Variants in EPHB1 observed in about 807,000 individuals in gnomAD.
EPHB1 encodes ephrin type-B receptor 1.
In EPHB1, 30 loss-of-function variants were observed where a neutral mutation model predicts 94.4. That is an observed-to-expected ratio of 0.32 (90% CI 0.24 to 0.43). The LOEUF (loss-of-function observed/expected upper bound fraction) is 0.43. EPHB1 is among the 20% of genes least tolerant of loss of function. EPHB1 has a pLI of 1.00. For missense variants in EPHB1, 1,055 were observed against 1,308.3 expected (o/e 0.81, Z 2.99); for synonymous variants, 522 against 489.1 (o/e 1.07, Z -0.89).
chr3:135,123,059 C>A (rs917371491), intron 4 of EPHB1, among the ~76,000 whole-genome samples: 1 of 152,162 alleles, frequency 6.6e-6, no homozygotes, highest in African/African-American at 2.4e-5. Flanking sequence ...TCCCCAGCCC[C>A]CAGAAAATGC....
At chr3:135,243,632 T>G (rs1406730064) in intron 13 of EPHB1, among the ~76,000 whole-genome samples, 1 of 152,088 alleles carries the variant, frequency 6.6e-6, no homozygotes, top group African/African-American at 2.4e-5. Flanking sequence ...GGCTCCCAGC[T>G]GCCGGGCTGA....
chr3:135,131,429 C>T (rs999884964), intron 4 of EPHB1, among the ~76,000 whole-genome samples: 20 of 152,140 alleles, frequency 1.3e-4, no homozygotes, highest in East Asian at 5.8e-4. Flanking sequence ...CACATGTCTT[C>T]GTTCAGCTGG....
intron 1 of EPHB1, among the ~76,000 whole-genome samples, chr3:134,809,248 G>A (rs2036122141): frequency 6.6e-6 from 1 of 152,060 alleles, no homozygotes; most frequent in South Asian, 2.1e-4. Context: ...TTTCTCATTT[G>A]AGAGAGAGAG....
At position 134,885,225 on chromosome 3, in the gene EPHB1, C is replaced by G. The variant is rs144900670; in HGVS notation, c.59-40591C>G. Reference sequence around the variant, plus strand: ...CATTGCAGGAGAAAGGATTAGTGAACTTGAAGACATCACAATAGAAACAAT... The same window carrying G: ...CATTGCAGGAGAAAGGATTAGTGAAGTTGAAGACATCACAATAGAAACAAT... On this transcript the variant is annotated intron_variant, in intron 1 of 15. Coordinates refer to ENST00000398015, the MANE Select transcript of EPHB1 (RefSeq NM_004441.5). Among the ~76,000 whole-genome samples the G allele has an allele frequency of 1.7e-4, 26 of 152,292 alleles. No homozygotes were observed. The East Asian group carries it at 4.8e-3, about 28-fold the overall frequency.
chr3:135,248,529 G>A lies in EPHB1; in HGVS notation c.2690+20G>A, dbSNP rs1943982645. 2 of 1,552,920 alleles carry A rather than the reference G, an allele frequency of 1.3e-6. No homozygotes were observed. Among genetic ancestry groups the A allele is most frequent in the Admixed American group, 1.8e-5 (1 of 54,182 alleles). ...CGCCGTGTGAGTCTAGTGAAACGGT[G>A]ATCCCTAAATATGGCTGGTTTCATG... On this transcript the variant is annotated intron_variant, in intron 14 of 15. Coordinates refer to ENST00000398015, the MANE Select transcript of EPHB1 (RefSeq NM_004441.5).
chr3:135,255,516 G>T (rs1161362850), intron 15 of EPHB1, among the ~76,000 whole-genome samples: 1 of 146,182 alleles, frequency 6.8e-6, no homozygotes, highest in African/African-American at 2.5e-5. Flanking sequence ...TTTCCATGTA[G>T]TTGAGCGGTT....
At chr3:135,106,725 C>A in intron 4 of EPHB1, 122 bp downstream of exon 4, 1 of 1,277,652 alleles carries the variant, frequency 7.8e-7, no homozygotes. Context: ...GAATTGCTGG[C>A]CATGGTGCTG....
chr3:134,925,033 T>C (rs1361590178), intron 1 of EPHB1, among the ~76,000 whole-genome samples: 1 of 152,224 alleles, frequency 6.6e-6, no homozygotes, highest in Non-Finnish European at 1.5e-5. Context: ...TATCAAAATG[T>C]ATCAAATCAT....
At chr3:135,002,883 A>G (rs1283501456) in intron 3 of EPHB1, among the ~76,000 whole-genome samples, 1 of 151,350 alleles carries the variant, frequency 6.6e-6, no homozygotes, top group Admixed American at 6.6e-5. Context: ...CGGTCTATCA[A>G]TTTTGTTGAT....
chr3:134,993,501 G>T (rs1156512895), intron 3 of EPHB1, among the ~76,000 whole-genome samples: 1 of 152,188 alleles, frequency 6.6e-6, no homozygotes, highest in Non-Finnish European at 1.5e-5. Flanking sequence ...TGGCCCGGGA[G>T]TTCAGAACTC....
chr3:134,962,698 A>AT, intron 3 of EPHB1, among the ~76,000 whole-genome samples: 1 of 150,960 alleles, frequency 6.6e-6, no homozygotes, highest in East Asian at 2.0e-4. Context: ...CTTTCCTTTA[A>AT]TTTTCCCAGC....
intron 12 of EPHB1, among the ~76,000 whole-genome samples, chr3:135,224,780 T>A (rs1342633837): frequency 6.6e-6 from 1 of 152,242 alleles, no homozygotes; most frequent in Non-Finnish European, 1.5e-5. Flanking sequence ...TTTTGGATGG[T>A]AGTTCCATAA....
At chr3:135,233,945 G>GGGGGAACCTGGACCTGGCCC (rs1943591611) in intron 12 of EPHB1, among the ~76,000 whole-genome samples, 1 of 152,134 alleles carries the variant, frequency 6.6e-6, no homozygotes. Context: ...CCACACAGTA[G>GGGGGAACCTGGACCTGGCCC]GGGGAACCTG....
rs548426915 is a variant in EPHB1 at position 135,188,403 on chromosome 3, G to T, written c.1883-4173G>T. Among the ~76,000 whole-genome samples the T allele has an allele frequency of 5.3e-5, 8 of 152,296 alleles. No homozygotes were observed. The East Asian group carries it at 1.4e-3, about 26-fold the overall frequency. The stretch of plus-strand genomic sequence containing the variant: ...CCAGCTACTTGGGAGGCTGAGGCAG[G>T]AGAATTGCTTGAACCCGAAAGGCCG... On this transcript the variant is annotated intron_variant, in intron 10 of 15. Transcript: ENST00000398015.
intron 3 of EPHB1, among the ~76,000 whole-genome samples, chr3:134,976,923 A>G (rs567122731): frequency 6.6e-6 from 1 of 152,336 alleles, no homozygotes; most frequent in Admixed American, 6.5e-5. Flanking sequence ...TGTAGGTGCT[A>G]GAGGGCATTC....
intron 13 of EPHB1, among the ~76,000 whole-genome samples, chr3:135,247,335 C>G (rs534651542): frequency 6.1e-4 from 93 of 152,262 alleles, no homozygotes; most frequent in African/African-American, 2.1e-3. Flanking sequence ...GCTCTTTTAC[C>G]TGTTACAGTA....
At chr3:135,132,357 G>A (rs572159206) in intron 4 of EPHB1, among the ~76,000 whole-genome samples, 1 of 150,944 alleles carries the variant, frequency 6.6e-6, no homozygotes, top group African/African-American at 2.5e-5. Flanking sequence ...AAAGAATCCA[G>A]TAAATGTTCA....
At chr3:135,219,064 C>G (rs1314519895) in intron 12 of EPHB1, among the ~76,000 whole-genome samples, 1 of 152,060 alleles carries the variant, frequency 6.6e-6, no homozygotes, top group Admixed American at 6.5e-5. Context: ...GAGTTGCCCT[C>G]CCACAGAAAA....
At chr3:135,002,442 G>A (rs886151011) in intron 3 of EPHB1, among the ~76,000 whole-genome samples, 1 of 152,148 alleles carries the variant, frequency 6.6e-6, no homozygotes, top group Non-Finnish European at 1.5e-5. Context: ...GTCTCTGCCC[G>A]GCTTTGGTAT....
Sources: gnomAD v4.1 joint callset for allele counts (sites outside exome capture counted in the v4.1 genomes callset) on GRCh38, gnomAD v4.1.1 for gene constraint, MANE v1.5 for transcripts, NCBI Gene and HGNC (gene_info 2026-07-23, HGNC 2026-07-21) for gene names.